TDRD5: variants seen among roughly 807,000 people sequenced by gnomAD.
TDRD5 encodes tudor domain containing 5, also known as tudor domain-containing protein 5.
TDRD5 carries 41 observed loss-of-function variants against 120.6 expected under a neutral mutation model. The ratio of observed to expected loss-of-function variants is 0.34; its 90% CI spans 0.26 to 0.44. The LOEUF (loss-of-function observed/expected upper bound fraction) is 0.44. Ranked by LOEUF, TDRD5 falls within the 20% of genes least tolerant of loss-of-function variation. TDRD5 has a pLI of 1.00. For synonymous variants in TDRD5, 430 were observed against 433.7 expected (o/e 0.99, Z 0.11); for missense variants, 1,006 against 1,221.2 (o/e 0.82, Z 2.63).
chr1:179,659,790 T>C (rs918423440), intron 14 of TDRD5, among the ~76,000 whole-genome samples: 2 of 151,850 alleles, frequency 1.3e-5, no homozygotes, highest in Admixed American at 1.3e-4. Flanking sequence ...CTCCACCTCT[T>C]GGGTTCAAGC....
chr1:179,612,007 T>C (rs987724856), intron 4 of TDRD5, among the ~76,000 whole-genome samples: 1 of 152,224 alleles, frequency 6.6e-6, no homozygotes, highest in African/African-American at 2.4e-5. Context: ...AGTGCAACTT[T>C]CCATTTCTTC....
chr1:179,633,942 C>T (rs1246497428), intron 7 of TDRD5, among the ~76,000 whole-genome samples: 2 of 151,682 alleles, frequency 1.3e-5, no homozygotes, highest in Admixed American at 1.3e-4. Context: ...GAGGCCGAGG[C>T]GGGCAGATCA....
At chr1:179,608,541 C>T (rs1676110738) in intron 4 of TDRD5, among the ~76,000 whole-genome samples, 1 of 152,036 alleles carries the variant, frequency 6.6e-6, no homozygotes. Context: ...CAGAATGTAA[C>T]CTAATTCCAT....
intron 10 of TDRD5, 137 bp from the exon 11 acceptor site, chr1:179,640,242 C>A: frequency 9.0e-7 from 1 of 1,105,146 alleles, no homozygotes; most frequent in Non-Finnish European, 1.3e-6. Flanking sequence ...TTATCTTTTA[C>A]ATGACACTGA....
chr1:179,691,128 T>C lies in TDRD5; in HGVS notation c.*185T>C. 5 of 667,172 alleles carry C rather than the reference T, an allele frequency of 7.5e-6. No homozygotes were observed. Among genetic ancestry groups the C allele is most frequent in the Non-Finnish European group, 1.1e-5 (5 of 437,194 alleles). The allele number at this position is 667,172 out of a possible 1,614,324, so 41.3% of individuals were successfully genotyped here. A position where few individuals can be genotyped will look rare whatever the true frequency, so the allele number is the denominator to read the frequency against. On this transcript the variant is annotated 3_prime_UTR_variant, in exon 18 of 18. Transcript: ENST00000444136. ...TTTGATGTGTAAGTAAGTATTGATA[T>C]TTACTGTTAATCTTGATTTTTCTTG...
At chr1:179,640,123 G>T in intron 10 of TDRD5, 72 bp downstream of exon 10, 1 of 1,515,202 alleles carries the variant, frequency 6.6e-7, no homozygotes, top group Non-Finnish European at 9.1e-7. Flanking sequence ...TGTGGGGTTG[G>T]GATCTCTCTT....
chr1:179,623,647 T>TC (rs1676963594), intron 6 of TDRD5, among the ~76,000 whole-genome samples: 1 of 141,982 alleles, frequency 7.0e-6, no homozygotes, highest in Non-Finnish European at 1.5e-5. Context: ...TTTTTTTTTT[T>TC]CCTTTTAAGA....
intron 6 of TDRD5, among the ~76,000 whole-genome samples, chr1:179,623,637 T>TTTG (rs1676958961): frequency 6.8e-6 from 1 of 146,794 alleles, no homozygotes; most frequent in South Asian, 2.2e-4. Context: ...TTTTTTTTTT[T>TTTG]TTTTTTTTTT....
At chr1:179,638,946 A>G (rs1331409916) in intron 9 of TDRD5, among the ~76,000 whole-genome samples, 1 of 152,086 alleles carries the variant, frequency 6.6e-6, no homozygotes, top group Non-Finnish European at 1.5e-5. Context: ...AATTTGGGGG[A>G]CTCTGTTGCT....
intron 17 of TDRD5, among the ~76,000 whole-genome samples, chr1:179,669,958 C>T (rs1334629540): frequency 2.0e-5 from 3 of 152,212 alleles, no homozygotes; most frequent in Non-Finnish European, 4.4e-5. Flanking sequence ...TATTCAGTTA[C>T]ATGGATATAC....
At chr1:179,648,778 T>TA (rs1678549615) in intron 11 of TDRD5, among the ~76,000 whole-genome samples, 1 of 110,296 alleles carries the variant, frequency 9.1e-6, no homozygotes, top group Admixed American at 9.5e-5. Context: ...TATTAAATAC[T>TA]AAAAAACAAT....
chr1:179,641,508 C>T (rs371958354), intron 11 of TDRD5, among the ~76,000 whole-genome samples: 1 of 149,732 alleles, frequency 6.7e-6, no homozygotes, highest in East Asian at 2.0e-4. Flanking sequence ...CCAGCCAGGG[C>T]AACAAAGAGC....
intron 4 of TDRD5, among the ~76,000 whole-genome samples, chr1:179,608,876 G>A (rs574933322): frequency 5.6e-4 from 85 of 151,948 alleles, no homozygotes; most frequent in South Asian, 3.3e-3. Flanking sequence ...GACTCAATTT[G>A]ATCATTTTGA....
At chr1:179,640,514 A>G in intron 11 of TDRD5, 69 bp downstream of exon 11, 1 of 1,457,166 alleles carries the variant, frequency 6.9e-7, no homozygotes, top group Non-Finnish European at 9.6e-7. Context: ...TAACAGTTTC[A>G]CATGCTCAGG....
chr1:179,664,833 C>G lies in TDRD5; in HGVS notation c.2649+1342C>G, dbSNP rs774664230. ...ATAACTAGGAGTGGAGTTTCTGGAT[C>G]GTATGGTAATTCTGCTTTTAACATT... On this transcript the variant is annotated intron_variant, in intron 16 of 17. Transcript: ENST00000444136. 2.0e-5 allele frequency among the ~76,000 whole-genome samples: 3 copies of G among 152,030 alleles called. 1 individual carries two copies. The South Asian group carries it at 6.2e-4, about 31-fold the overall frequency.
At chr1:179,598,846 C>A (rs987329365) in intron 4 of TDRD5, among the ~76,000 whole-genome samples, 1 of 152,022 alleles carries the variant, frequency 6.6e-6, no homozygotes, top group Non-Finnish European at 1.5e-5. Flanking sequence ...TCCTCCTTTT[C>A]AATCTATCTG....
intron 17 of TDRD5, among the ~76,000 whole-genome samples, chr1:179,690,195 CCT>C (rs1257904387): frequency 6.6e-6 from 1 of 152,138 alleles, no homozygotes; most frequent in African/African-American, 2.4e-5. Flanking sequence ...CATCTTAGAA[CCT>C]CTCGGCATTT....
intron 13 of TDRD5, 130 bp downstream of exon 13, chr1:179,652,327 G>A: frequency 1.4e-5 from 13 of 905,616 alleles, no homozygotes; most frequent in Non-Finnish European, 2.1e-5. Context: ...TTAACAATTT[G>A]TCTCTTTATT....
intron 4 of TDRD5, among the ~76,000 whole-genome samples, chr1:179,616,558 G>C (rs1166223558): frequency 3.9e-5 from 6 of 152,108 alleles, no homozygotes; most frequent in Admixed American, 3.9e-4. Context: ...TCTAGTATCA[G>C]TATCTCTGTT....
Sources: allele counts gnomAD v4.1 joint callset (sites outside exome capture counted in the v4.1 genomes callset), GRCh38; gene constraint gnomAD v4.1.1; transcripts MANE v1.5; gene names NCBI Gene and HGNC (gene_info 2026-07-23, HGNC 2026-07-21).